Variants in ARHGEF16 observed in about 807,000 individuals in gnomAD.
ARHGEF16 encodes the protein Rho guanine exchange factor (GEF) 16.
Under a neutral mutation model 74.1 loss-of-function variants are expected in ARHGEF16, and 59 were observed. That is an observed-to-expected ratio of 0.80 (90% CI 0.65 to 0.99). The LOEUF (loss-of-function observed/expected upper bound fraction) is 0.99. ARHGEF16 is among the 50% of genes least tolerant of loss of function. The pLI, the probability that ARHGEF16 is intolerant of heterozygous loss-of-function variation, is 0.00. For missense variants in ARHGEF16, 948 were observed against 986.6 expected, an observed-to-expected ratio of 0.96 and a Z score of 0.52; for synonymous variants, 415 against 412.6, an observed-to-expected ratio of 1.01 and a Z score of -0.07.
At chr1:3,471,610 G>A in intron 6 of ARHGEF16, 3 of 1,116,590 alleles carry the variant, frequency 2.7e-6, no homozygotes, top group Non-Finnish European at 3.4e-6. Flanking sequence ...CAGGCTTTGT[G>A]TTCTCTGAGC....
chr1:3,480,367 G>A lies in ARHGEF16; in HGVS notation c.1991-81G>A, dbSNP rs1331058018. ...GTTCTAGGAGAAGCCTGGCCCTGGT[G>A]TGCTCAGGCATAGCAGCTCAGAGGG... is the stretch of plus-strand genomic sequence containing the variant. On this transcript the variant is annotated intron_variant, in intron 14 of 14. Transcript: ENST00000378378. The A allele has an allele frequency of 1.1e-5, 17 of 1,563,130 alleles. No homozygotes were observed. In the East Asian group the frequency reaches 2.9e-4, roughly 27 times the overall value.
At position 3,473,447 on chromosome 1, in the gene ARHGEF16, G is replaced by C; in HGVS notation, c.1230G>C (p.Ala410=). The C allele has an allele frequency of 6.2e-7, 1 of 1,612,594 alleles. No homozygotes were observed. Among genetic ancestry groups the C allele is most frequent in the Non-Finnish European group, 8.5e-7 (1 of 1,179,954 alleles). ...EALREIERRP[A]CGGLPMLSFL... ...TGAGAGAGATTGAGAGGCGGCCGGCGTGCGGGGGCCTGCCCATGCTCTCCT... is the reference window on the plus strand; with the variant it reads ...TGAGAGAGATTGAGAGGCGGCCGGCCTGCGGGGGCCTGCCCATGCTCTCCT... Residue 410 remains alanine, a synonymous_variant, in exon 8 of 15, where the codon GCG becomes GCC. Coordinates refer to ENST00000378378, the MANE Select transcript of ARHGEF16 (RefSeq NM_014448.4).
intron 11 of ARHGEF16, 128 bp downstream of exon 11, chr1:3,478,154 C>A: frequency 7.6e-7 from 1 of 1,316,962 alleles, no homozygotes; most frequent in Non-Finnish European, 1.1e-6. Flanking sequence ...GCGGCTTCCA[C>A]TCGGCACATG....
rs1265193859 is a variant in ARHGEF16, at chr1:3,468,869, T to C, written c.805-11T>C. 5 of 1,550,336 alleles carry C rather than the reference T, an allele frequency of 3.2e-6. No homozygotes were observed. In the South Asian group the frequency reaches 5.9e-5, roughly 18 times the overall value. Reference sequence around the variant, plus strand: ...GTGTGACCGAGAGCTCCTGGGCCTGTGTCCCCCCAGGTGGTGGAATTGGGC... The same window carrying C: ...GTGTGACCGAGAGCTCCTGGGCCTGCGTCCCCCCAGGTGGTGGAATTGGGC... On this transcript the variant is annotated splice_polypyrimidine_tract_variant and intron_variant, in intron 4 of 14. Coordinates refer to ENST00000378378, the MANE Select transcript of ARHGEF16 (RefSeq NM_014448.4).
At chr1:3,469,663 A>G in intron 6 of ARHGEF16, 70 bp downstream of exon 6, 2 of 1,583,488 alleles carry the variant, frequency 1.3e-6, no homozygotes, top group Non-Finnish European at 1.7e-6. Flanking sequence ...TGGGCACCGC[A>G]CTGTCATCAG....
intron 9 of ARHGEF16, 34 bp downstream of exon 9, chr1:3,474,816 T>G (rs1251541222): frequency 6.2e-7 from 1 of 1,603,454 alleles, no homozygotes; most frequent in East Asian, 2.2e-5. Context: ...CCTACCCGAG[T>G]CCTGTACCCC....
intron 4 of ARHGEF16, chr1:3,468,547 C>T (rs1639612241): frequency 5.4e-6 from 2 of 372,734 alleles, no homozygotes; most frequent in Admixed American, 3.8e-5. Context: ...GGGTGGGCTC[C>T]GCACCTCTCC....
intron 8 of ARHGEF16, 39 bp downstream of exon 8, chr1:3,473,561 C>T (rs370310056): frequency 7.5e-6 from 12 of 1,600,584 alleles, no homozygotes; most frequent in Non-Finnish European, 4.2e-6. Flanking sequence ...GGCATACCAT[C>T]CTGGGGTCCC....
Position 3,472,521 on chromosome 1 carries a change from G to C in ARHGEF16, c.1023-557G>C, listed in dbSNP as rs114572870. The stretch of plus-strand genomic sequence containing the variant: ...AAACAGTTCATGAACCCAGCTGGGA[G>C]CTTGACCAGCAGAGCTGCCTCGGAT... On this transcript the variant is annotated intron_variant, in intron 6 of 14. Coordinates refer to ENST00000378378, the MANE Select transcript of ARHGEF16 (RefSeq NM_014448.4). Among the ~76,000 whole-genome samples the C allele has an allele frequency of 2.7e-3, 415 of 152,356 alleles. 3 individuals carry two copies. Among genetic ancestry groups the C allele is most frequent in the African/African-American group, 9.1e-3 (377 of 41,588 alleles).
At chr1:3,479,310 G>A (rs1176518267) in intron 12 of ARHGEF16, among the ~76,000 whole-genome samples, 3 of 152,112 alleles carry the variant, frequency 2.0e-5, no homozygotes, top group African/African-American at 4.8e-5. Flanking sequence ...TGGGGTCTGG[G>A]TGTGTGGCCA....
chr1:3,473,003 T>C, intron 6 of ARHGEF16, 75 bp from the exon 7 acceptor site: 1 of 1,507,964 alleles, frequency 6.6e-7, no homozygotes, highest in Non-Finnish European at 9.0e-7. Context: ...TGCATGCAGA[T>C]GCATGTCTGT....
At chr1:3,473,782 C>T (rs949925808) in intron 8 of ARHGEF16, 9 of 589,172 alleles carry the variant, frequency 1.5e-5, no homozygotes, top group Admixed American at 3.4e-5. Context: ...TCATGAGGTT[C>T]AGGCACACTG....
intron 1 of ARHGEF16, among the ~76,000 whole-genome samples, chr1:3,457,131 C>T (rs1365338753): frequency 6.6e-6 from 1 of 152,254 alleles, no homozygotes; most frequent in Non-Finnish European, 1.5e-5. Flanking sequence ...CCCTGGCCAC[C>T]TTGCAAACGG....
chr1:3,466,139 T>C lies in ARHGEF16; in HGVS notation c.589-9T>C, dbSNP rs1013290861. 1.9e-6 allele frequency: 3 copies of C among 1,548,380 alleles called. No homozygotes were observed. The highest frequency in any genetic ancestry group is 2.6e-6 in the Non-Finnish European group (3 of 1,145,952). ...ACAGCTGCGGTTTCTGTGTCTCTCT[T>C]TTGTGCAGAAGACGCTGGGGAGGAA... On this transcript the variant is annotated splice_polypyrimidine_tract_variant and intron_variant, in intron 2 of 14. Transcript: ENST00000378378.
At chr1:3,458,006 C>A (rs1016637957) in intron 1 of ARHGEF16, among the ~76,000 whole-genome samples, 1 of 152,192 alleles carries the variant, frequency 6.6e-6, no homozygotes, top group African/African-American at 2.4e-5. Flanking sequence ...CTGCCCTGGC[C>A]CAGCCTCTGC....
chr1:3,473,555 T>C (rs2100753776), intron 8 of ARHGEF16, 33 bp downstream of exon 8: 1 of 1,601,492 alleles, frequency 6.2e-7, no homozygotes, highest in Non-Finnish European at 8.5e-7. Flanking sequence ...GGGCCGGGCA[T>C]ACCATCCTGG....
Position 3,478,630 on chromosome 1 carries a change from A to T in ARHGEF16, c.1814+18A>T, listed in dbSNP as rs1049795819. On this transcript the variant is annotated intron_variant, in intron 12 of 14. Transcript: ENST00000378378. Reference sequence around the variant, plus strand: ...GACTCCGCGTAAGTGGGCTCCCGGGAGGGCTGTTCCCAGGCCACAGGCACA... The same window carrying T: ...GACTCCGCGTAAGTGGGCTCCCGGGTGGGCTGTTCCCAGGCCACAGGCACA... The T allele has an allele frequency of 6.3e-7, 1 of 1,590,350 alleles. No individual in the cohort carries two copies. The highest frequency in any genetic ancestry group is 8.6e-7 in the Non-Finnish European group (1 of 1,166,126).
At chr1:3,462,429 G>A (rs962660913) in intron 1 of ARHGEF16, among the ~76,000 whole-genome samples, 10 of 152,200 alleles carry the variant, frequency 6.6e-5, no homozygotes, top group African/African-American at 1.7e-4. Flanking sequence ...GGCTCGGGCC[G>A]GGAGCATGTG....
intron 1 of ARHGEF16, among the ~76,000 whole-genome samples, chr1:3,459,126 G>A (rs1000530534): frequency 6.6e-6 from 1 of 152,196 alleles, no homozygotes; most frequent in Non-Finnish European, 1.5e-5. Context: ...TGGCTCAGTG[G>A]ACTAACATGG....
Sources: gnomAD v4.1 joint callset for allele counts (sites outside exome capture counted in the v4.1 genomes callset) on GRCh38, gnomAD v4.1.1 for gene constraint, MANE v1.5 for transcripts, NCBI Gene and HGNC (gene_info 2026-07-23, HGNC 2026-07-21) for gene names.